Variants in MAP4K3 observed in about 807,000 individuals in gnomAD.
MAP4K3 encodes the protein MAPK/ERK kinase kinase kinase 3.
In MAP4K3, 94 loss-of-function variants were observed where a neutral mutation model predicts 143.5. The observed-to-expected ratio is 0.65, with a 90% CI of 0.55 to 0.78. The LOEUF is 0.78. MAP4K3 is among the 30% of genes least tolerant of loss of function. MAP4K3 has a pLI of 0.00. For missense variants in MAP4K3, 1,077 were observed against 1,068.1 expected, an observed-to-expected ratio of 1.01 and a Z score of -0.12; for synonymous variants, 416 against 347.2, an observed-to-expected ratio of 1.20 and a Z score of -2.20.
Position 39,299,771 on chromosome 2 carries a change from G to A in MAP4K3, c.1150C>T (p.Gln384Ter). Reference protein sequence around the residue: ...DLQLEYGQGHQGGYFLGANKS... With the variant: ...DLQLEYGQGH ...TTTGCACCTAAAAAGTAACCACCTTGGTGTCCTTGTCCATATTCCAGTTGC... is the reference window on the plus strand; with the variant it reads ...TTTGCACCTAAAAAGTAACCACCTTAGTGTCCTTGTCCATATTCCAGTTGC... Residue 384 changes from glutamine (Q) to a stop codon, truncating the protein, a stop_gained, in exon 16 of 34, where the codon CAA becomes TAA. Coordinates refer to ENST00000263881, the MANE Select transcript of MAP4K3 (RefSeq NM_003618.4). LOFTEE classifies it high-confidence loss of function. 1.3e-6 allele frequency: 2 copies of A among 1,575,256 alleles called. No individual in the cohort carries two copies. The highest frequency in any genetic ancestry group is 1.7e-4 in the Middle Eastern group (1 of 5,812).
intron 30 of MAP4K3, 36 bp downstream of exon 30, chr2:39,258,483 C>T: frequency 6.2e-7 from 1 of 1,601,666 alleles, no homozygotes; most frequent in Non-Finnish European, 8.6e-7. Context: ...TAAAAGAAGT[C>T]TTATTAAAGT....
At chr2:39,364,499 C>G (rs55962203) in intron 2 of MAP4K3, among the ~76,000 whole-genome samples, 2,345 of 152,230 alleles carry the variant, frequency 0.015, 59 homozygotes, top group African/African-American at 0.053. Context: ...TAATACAGCT[C>G]CAAGAGATCC....
intron 32 of MAP4K3, 61 bp downstream of exon 32, chr2:39,254,389 A>C (rs944675714): frequency 1.1e-5 from 14 of 1,302,040 alleles, no homozygotes; most frequent in Admixed American, 1.7e-5. Flanking sequence ...TTAGGAATCG[A>C]ACTGTTTGAA....
intron 1 of MAP4K3, among the ~76,000 whole-genome samples, chr2:39,390,431 G>C (rs1021898030): frequency 1.3e-5 from 2 of 152,186 alleles, no homozygotes; most frequent in African/African-American, 4.8e-5. Context: ...CGCAGACTCT[G>C]AATCAGCAGA....
At chr2:39,383,019 G>C (rs1256143567) in intron 1 of MAP4K3, among the ~76,000 whole-genome samples, 1 of 152,128 alleles carries the variant, frequency 6.6e-6, no homozygotes, top group African/African-American at 2.4e-5. Context: ...GAGTGTACCA[G>C]GCCAGCCAAA....
chr2:39,327,546 T>C (rs1407219929), intron 8 of MAP4K3, among the ~76,000 whole-genome samples: 2 of 152,176 alleles, frequency 1.3e-5, no homozygotes, highest in Admixed American at 6.5e-5. Flanking sequence ...AACTCTTCCA[T>C]ACTAAAGAGC....
chr2:39,410,174 T>C (rs1667197803), intron 1 of MAP4K3, among the ~76,000 whole-genome samples: 2 of 152,156 alleles, frequency 1.3e-5, no homozygotes, highest in African/African-American at 4.8e-5. Flanking sequence ...AGGAGGGAGC[T>C]GCTAATCTGT....
chr2:39,427,794 T>C (rs550134945), intron 1 of MAP4K3, among the ~76,000 whole-genome samples: 2 of 150,916 alleles, frequency 1.3e-5, no homozygotes, highest in South Asian at 2.1e-4. Flanking sequence ...TGAAAAATAC[T>C]ACATTGTAGG....
At chr2:39,418,007 C>T (rs1000763752) in intron 1 of MAP4K3, among the ~76,000 whole-genome samples, 1 of 152,084 alleles carries the variant, frequency 6.6e-6, no homozygotes, top group Non-Finnish European at 1.5e-5. Context: ...CAAAGACCAT[C>T]CTGGCCAACA....
At position 39,292,786 on chromosome 2, in the gene MAP4K3, C is replaced by T; in HGVS notation, c.1258G>A (p.Asp420Asn). ...AHLEDDEGDD[D>N]ESKHSTLKAK... ...GACAGAACTTACTGTTTAGATTCAT[C>T]ATCATCTCCTTCATCATCTTCTAAA... Residue 420 changes from aspartate to asparagine, a missense_variant, in exon 18 of 34, where the codon GAT becomes AAT. Asp to Asn is a conservative substitution (Grantham distance 23). This residue lies in a region of MAP4K3 where 864 missense variants were observed against 801.2 expected (regional missense o/e 1.08). Coordinates refer to ENST00000263881, the MANE Select transcript of MAP4K3 (RefSeq NM_003618.4). 6.2e-7 allele frequency: 1 copy of T among 1,613,184 alleles called. No homozygotes were observed.
rs1680106254 is a variant in MAP4K3, at chr2:39,250,412, A to G, written c.*206T>C. ...CTATATGTACAAAGATTACATAACA[A>G]TGAATTAAGCACTTGTGTGGTTCAA... On this transcript the variant is annotated 3_prime_UTR_variant, in exon 34 of 34. Coordinates refer to ENST00000263881, the MANE Select transcript of MAP4K3 (RefSeq NM_003618.4). 2 of 505,440 alleles carry G rather than the reference A, an allele frequency of 4.0e-6. No individual in the cohort carries two copies. Among genetic ancestry groups the G allele is most frequent in the Non-Finnish European group, 7.0e-6 (2 of 284,306 alleles). The allele number at this position is 505,440 out of a possible 1,614,324, so 31.3% of individuals were successfully genotyped here.
rs117301541 is a variant in MAP4K3, at chr2:39,411,415, G to A, written c.96+25477C>T. ...CTCCATTTCATGATGTGAGCATGAG[G>A]AAAGAATGGTGTATGGTTTCAGTGT... On this transcript the variant is annotated intron_variant, in intron 1 of 33. Transcript: ENST00000263881. Among the ~76,000 whole-genome samples the A allele has an allele frequency of 1.2e-4, 18 of 152,294 alleles. 1 individual carries two copies. The East Asian group carries it at 3.3e-3, about 28-fold the overall frequency.
intron 31 of MAP4K3, among the ~76,000 whole-genome samples, 186 bp downstream of exon 31, chr2:39,258,162 C>A (rs1159411826): frequency 6.6e-6 from 1 of 152,112 alleles, no homozygotes; most frequent in African/African-American, 2.4e-5. Flanking sequence ...GAACTCCTGG[C>A]CTCAAGTGAT....
chr2:39,377,358 C>G (rs528663579), intron 2 of MAP4K3, among the ~76,000 whole-genome samples: 1 of 151,950 alleles, frequency 6.6e-6, no homozygotes, highest in African/African-American at 2.4e-5. Context: ...TGCTGTGGTA[C>G]TCGGTCTAGA....
In MAP4K3 at chr2:39,265,273, C is replaced by T; in HGVS notation, c.2066G>A (p.Cys689Tyr). The change falls in exon 28 of 34, where the codon TGT (cysteine) becomes TAT (tyrosine). Residue 689 changes from cysteine to tyrosine, a missense_variant. Around this residue, in one of 2 missense-constraint regions of MAP4K3, gnomAD observed 864 missense variants for 801.2 expected, o/e 1.08. Transcript: ENST00000263881. Reference protein sequence around the residue: ...RNPYTGHKYLCGALQTSIVLL... With the variant: ...RNPYTGHKYLYGALQTSIVLL... ...AACAATGCTAGTCTGAAGTGCTCCA[C>T]ATAGGTATTTATGGCCCGTGTAAGG... is the stretch of plus-strand genomic sequence containing the variant. 1.2e-6 allele frequency: 2 copies of T among 1,613,330 alleles called. No homozygotes were observed. The highest frequency in any genetic ancestry group is 1.7e-6 in the Non-Finnish European group (2 of 1,179,404).
At chr2:39,268,355 C>G (rs1680857897) in intron 26 of MAP4K3, among the ~76,000 whole-genome samples, 2 of 152,114 alleles carry the variant, frequency 1.3e-5, no homozygotes, top group African/African-American at 4.8e-5. Flanking sequence ...AGGTCTCGCT[C>G]TGTCGCCCAG....
intron 2 of MAP4K3, among the ~76,000 whole-genome samples, chr2:39,369,193 G>GTTTTTTTTTTGTTT (rs1553419596): frequency 2.6e-5 from 1 of 37,978 alleles, no homozygotes; most frequent in Non-Finnish European, 7.1e-5. Flanking sequence ...CTTTGGGCTA[G>GTTTTTTTTTTGTTT]TTTTTTTTTT....
intron 23 of MAP4K3, among the ~76,000 whole-genome samples, chr2:39,278,987 A>G (rs1681393627): frequency 6.6e-6 from 1 of 152,238 alleles, no homozygotes. Context: ...GGTACTCAGT[A>G]TCTTCTAAAA....
intron 33 of MAP4K3, 80 bp from the exon 34 acceptor site, chr2:39,250,785 T>C (rs1298109941): frequency 9.4e-7 from 1 of 1,068,114 alleles, no homozygotes; most frequent in South Asian, 1.4e-5. Flanking sequence ...CCATTGCTTC[T>C]CCAATATGTG....
Sources: allele counts gnomAD v4.1 joint callset (sites outside exome capture counted in the v4.1 genomes callset), GRCh38; gene constraint gnomAD v4.1.1; regional missense constraint gnomAD v4.1.1; transcripts MANE v1.5; gene names NCBI Gene and HGNC (gene_info 2026-07-23, HGNC 2026-07-21).